Variants in REC114 observed in about 807,000 individuals in gnomAD.
The protein encoded by REC114 is meiotic recombination protein REC114.
Under a neutral mutation model 31.3 loss-of-function variants are expected in REC114, and 27 were observed. The observed-to-expected ratio is 0.86, with a 90% CI of 0.64 to 1.19. The LOEUF (loss-of-function observed/expected upper bound fraction) is 1.19, where lower values mean the gene tolerates loss of function less well. Ranked by LOEUF, REC114 falls within the 50% of genes most tolerant of loss-of-function variation. The pLI is 0.00. For missense variants in REC114, 344 were observed against 326.9 expected (o/e 1.05, Z -0.40); for synonymous variants, 134 against 127.7 (o/e 1.05, Z -0.33).
At chr15:73,542,903 T>G (rs937794263) in intron 3 of REC114, among the ~76,000 whole-genome samples, 1 of 152,116 alleles carries the variant, frequency 6.6e-6, no homozygotes, top group Non-Finnish European at 1.5e-5. Flanking sequence ...TTCATAAGGA[T>G]TTATTTACAG....
intron 1 of REC114, among the ~76,000 whole-genome samples, chr15:73,456,474 A>G (rs147714384): frequency 4.2e-4 from 64 of 152,296 alleles, no homozygotes; most frequent in Middle Eastern, 3.4e-3. Flanking sequence ...GATTCAACAT[A>G]AGATATATTT....
At chr15:73,540,781 G>A (rs1465407853) in intron 3 of REC114, among the ~76,000 whole-genome samples, 1 of 152,150 alleles carries the variant, frequency 6.6e-6, no homozygotes, top group Non-Finnish European at 1.5e-5. Context: ...GGCTCTGATG[G>A]ATTTCTCAGT....
chr15:73,461,071 TAAAAGA>T (rs1892982310), intron 1 of REC114, among the ~76,000 whole-genome samples: 1 of 152,026 alleles, frequency 6.6e-6, no homozygotes, highest in Non-Finnish European at 1.5e-5. Context: ...TTGTACATTG[TAAAAGA>T]AAAAGTTCTC....
At chr15:73,514,177 G>A (rs1595874869) in intron 2 of REC114, among the ~76,000 whole-genome samples, 2 of 151,600 alleles carry the variant, frequency 1.3e-5, no homozygotes, top group African/African-American at 4.8e-5. Flanking sequence ...TCTGAAAAGC[G>A]CAATATTCGG....
chr15:73,538,403 T>A (rs1013057508), intron 2 of REC114, among the ~76,000 whole-genome samples: 1 of 151,614 alleles, frequency 6.6e-6, no homozygotes, highest in African/African-American at 2.4e-5. Flanking sequence ...TATCTTTTTT[T>A]AAAAGTGATA....
At chr15:73,473,806 A>ATG in intron 1 of REC114, 26 bp from the exon 2 acceptor site, 1 of 1,307,370 alleles carries the variant, frequency 7.6e-7, no homozygotes. Flanking sequence ...TATCTTTTAC[A>ATG]TATTTTTCTC....
rs1231575035 is a variant in REC114 at position 73,551,150 on chromosome 15, A to G, written c.546A>G (p.Gly182=). The G allele has an allele frequency of 1.4e-5, 23 of 1,597,840 alleles. No homozygotes were observed. Among genetic ancestry groups the G allele is most frequent in the Non-Finnish European group, 1.8e-5 (21 of 1,172,244 alleles). Residue 182 remains glycine, a splice_region_variant and synonymous_variant, in exon 4 of 6, where the codon GGA becomes GGG. Coordinates refer to ENST00000331090, the MANE Select transcript of REC114 (RefSeq NM_001042367.2). The part of the protein sequence containing the change: ...DSAKSVPRQP[G]SHQHSEQQQV... ...CAAAGAGTGTCCCACGGCAGCCTGG[A>G]GTAAGTAGGCTGATGTGTTGGTTAT...
intron 5 of REC114, among the ~76,000 whole-genome samples, chr15:73,557,184 C>T (rs1029886891): frequency 1.3e-5 from 2 of 151,588 alleles, no homozygotes; most frequent in Admixed American, 6.6e-5. Context: ...ATTTTCCTGC[C>T]TTAGCCTCCT....
chr15:73,496,597 G>A (rs531282532), intron 2 of REC114, among the ~76,000 whole-genome samples: 11 of 149,766 alleles, frequency 7.3e-5, no homozygotes, highest in Non-Finnish European at 1.6e-4. Flanking sequence ...AGGTTGCAGT[G>A]AGCTGAGATC....
intron 1 of REC114, among the ~76,000 whole-genome samples, chr15:73,468,645 A>T (rs956752990): frequency 1.3e-5 from 2 of 150,538 alleles, no homozygotes; most frequent in East Asian, 3.9e-4. Flanking sequence ...TTCTTATCTT[A>T]GGGAGAAAGC....
rs1405951485 is a variant in REC114, at chr15:73,535,113, C to T, written c.250-5372C>T. ...AAACTGGAAGCATTCCCTTTGAAAA[C>T]TGGCACAAGACAGGGATGCCCTCTC... is the stretch of plus-strand genomic sequence containing the variant. On this transcript the variant is annotated intron_variant, in intron 2 of 5. Coordinates refer to ENST00000331090, the MANE Select transcript of REC114 (RefSeq NM_001042367.2). Among the ~76,000 whole-genome samples the T allele has an allele frequency of 2.1e-5, 3 of 140,464 alleles. No homozygotes were observed. The South Asian group carries it at 7.4e-4, about 34-fold the overall frequency. The allele number at this position is 140,464 out of a possible 152,430, so 92.1% of individuals were successfully genotyped here. A position where few individuals can be genotyped will look rare whatever the true frequency, so the allele number is the denominator to read the frequency against.
chr15:73,531,404 T>TAG (rs1395884252), intron 2 of REC114, among the ~76,000 whole-genome samples: 1 of 152,224 alleles, frequency 6.6e-6, no homozygotes, highest in Non-Finnish European at 1.5e-5. Context: ...TTATGTATGA[T>TAG]AGCAGGGGCC....
intron 2 of REC114, among the ~76,000 whole-genome samples, chr15:73,518,945 T>A (rs528201647): frequency 1.2e-4 from 18 of 152,224 alleles, no homozygotes; most frequent in Middle Eastern, 3.4e-3. Flanking sequence ...TAACTAATCT[T>A]AAAGACACAT....
At chr15:73,513,979 C>A (rs964210835) in intron 2 of REC114, among the ~76,000 whole-genome samples, 1 of 152,028 alleles carries the variant, frequency 6.6e-6, no homozygotes, top group Non-Finnish European at 1.5e-5. Flanking sequence ...CCACCCAGTT[C>A]GAGCTTCCTG....
intron 3 of REC114, among the ~76,000 whole-genome samples, chr15:73,547,599 T>C (rs1197204390): frequency 1.3e-5 from 2 of 152,192 alleles, no homozygotes; most frequent in Non-Finnish European, 2.9e-5. Context: ...CCCCCATGTT[T>C]GTTGCAGCAC....
intron 3 of REC114, among the ~76,000 whole-genome samples, chr15:73,548,985 C>A (rs1444248312): frequency 6.6e-6 from 1 of 152,028 alleles, no homozygotes; most frequent in Non-Finnish European, 1.5e-5. Flanking sequence ...GATGAGAACA[C>A]ATGAATACAT....
intron 3 of REC114, among the ~76,000 whole-genome samples, chr15:73,549,940 CTATT>C (rs1421221647): frequency 3.3e-5 from 5 of 151,972 alleles, no homozygotes; most frequent in African/African-American, 9.7e-5. Context: ...AAATCAAGGA[CTATT>C]TATTTGCTTA....
rs113593694 is a variant in REC114, at chr15:73,490,650, G to A, written c.249+16729G>A. ...ATGGAGGCTGCAGTGAGCCCTGGTC[G>A]CACCACTGTATTCCAGTCTGAGCAA... On this transcript the variant is annotated intron_variant, in intron 2 of 5. Coordinates refer to ENST00000331090, the MANE Select transcript of REC114 (RefSeq NM_001042367.2). Among the ~76,000 whole-genome samples, 719 of 152,160 alleles carry A rather than the reference G, an allele frequency of 4.7e-3. 9 individuals carry two copies. The highest frequency in any genetic ancestry group is 0.017 in the African/African-American group (692 of 41,508).
intron 2 of REC114, among the ~76,000 whole-genome samples, chr15:73,487,498 G>T (rs1180615854): frequency 6.6e-6 from 1 of 152,262 alleles, no homozygotes; most frequent in Non-Finnish European, 1.5e-5. Flanking sequence ...AGGGATAACA[G>T]GTTCCAAGTA....
Sources: allele counts gnomAD v4.1 joint callset (sites outside exome capture counted in the v4.1 genomes callset), GRCh38; gene constraint gnomAD v4.1.1; transcripts MANE v1.5; gene names NCBI Gene and HGNC (gene_info 2026-07-23, HGNC 2026-07-21).